The following POFUT3 variants were observed in gnomAD, a reference collection of about 807,000 sequenced individuals.
POFUT3 encodes the protein protein O-fucosyltransferase 3.
the POFUT3 span, among the ~76,000 whole-genome samples, chr8:33,364,594 G>A: frequency 2.6e-5 from 4 of 152,106 alleles, no homozygotes; most frequent in Non-Finnish European, 4.4e-5. Context: ...CAAAATCAAT[G>A]TGCAAAAATC....
chr8:33,380,955 G>A, the POFUT3 span, among the ~76,000 whole-genome samples: 1 of 152,050 alleles, frequency 6.6e-6, no homozygotes, highest in South Asian at 2.1e-4. Context: ...ACAACATAGT[G>A]AGACTCCAAC....
chr8:33,375,811 G>T, the POFUT3 span, among the ~76,000 whole-genome samples: 1 of 152,122 alleles, frequency 6.6e-6, no homozygotes, highest in Non-Finnish European at 1.5e-5. Flanking sequence ...GAGGTCAGGA[G>T]TTAGAGACCA....
the POFUT3 span, among the ~76,000 whole-genome samples, chr8:33,429,496 AG>A: frequency 2.0e-5 from 3 of 152,218 alleles, no homozygotes; most frequent in Admixed American, 2.0e-4. Context: ...GGAATAATAC[AG>A]TATAAAATAG....
chr8:33,444,327 G>A, the POFUT3 span, among the ~76,000 whole-genome samples: 48 of 152,136 alleles, frequency 3.2e-4, no homozygotes, highest in Middle Eastern at 0.01. Flanking sequence ...TCTGGGGCTG[G>A]AAAATGCTTC....
the POFUT3 span, among the ~76,000 whole-genome samples, chr8:33,334,854 A>G: frequency 1.3e-5 from 2 of 152,204 alleles, no homozygotes; most frequent in African/African-American, 4.8e-5. Flanking sequence ...TTCAACTCCA[A>G]CAATACTCCT....
the POFUT3 span, among the ~76,000 whole-genome samples, chr8:33,377,834 A>G: frequency 6.6e-6 from 1 of 152,218 alleles, no homozygotes; most frequent in Non-Finnish European, 1.5e-5. Context: ...AGAAAAATAC[A>G]GATAATCCTT....
chr8:33,322,989 T>G, the POFUT3 span, among the ~76,000 whole-genome samples: 1 of 152,182 alleles, frequency 6.6e-6, no homozygotes, highest in African/African-American at 2.4e-5. Flanking sequence ...CCCAAGCTTA[T>G]CTTAGTCGTG....
the POFUT3 span, among the ~76,000 whole-genome samples, chr8:33,458,738 A>C: frequency 2.5e-4 from 38 of 151,876 alleles, no homozygotes; most frequent in Non-Finnish European, 8.8e-5. Flanking sequence ...AAAAACAAAA[A>C]CAAAAAAAAA....
At chr8:33,427,224 C>CAGAG in the POFUT3 span, among the ~76,000 whole-genome samples, 2 of 152,110 alleles carry the variant, frequency 1.3e-5, no homozygotes, top group African/African-American at 4.8e-5. Context: ...ACTTGAAAGG[C>CAGAG]AGAGATGGGA....
chr8:33,318,032 T>G, the POFUT3 span, among the ~76,000 whole-genome samples: 1 of 152,132 alleles, frequency 6.6e-6, no homozygotes, highest in South Asian at 2.1e-4. Context: ...AAGAAATGCC[T>G]TTCATGGTAG....
the POFUT3 span, among the ~76,000 whole-genome samples, chr8:33,384,469 T>C: frequency 5.3e-5 from 8 of 152,190 alleles, no homozygotes; most frequent in Non-Finnish European, 8.8e-5. Context: ...GATATACTCA[T>C]GGGGAACTTC....
At chr8:33,358,739 C>T in the POFUT3 span, among the ~76,000 whole-genome samples, 3 of 151,840 alleles carry the variant, frequency 2.0e-5, no homozygotes, top group Non-Finnish European at 2.9e-5. Flanking sequence ...GTGCTGGGCT[C>T]GGTCTGTAAT....
chr8:33,411,271 G>A, the POFUT3 span, among the ~76,000 whole-genome samples: 2 of 152,180 alleles, frequency 1.3e-5, no homozygotes, highest in African/African-American at 2.4e-5. Flanking sequence ...ACAGGGCAAC[G>A]CTGAAGTCGT....
the POFUT3 span, among the ~76,000 whole-genome samples, chr8:33,341,883 A>G: frequency 2.0e-5 from 3 of 151,920 alleles, no homozygotes; most frequent in African/African-American, 4.8e-5. Context: ...ACATAGCAAG[A>G]CTCCATCTCT....
chr8:33,402,037 G>C, the POFUT3 span, among the ~76,000 whole-genome samples: 4 of 151,592 alleles, frequency 2.6e-5, no homozygotes, highest in South Asian at 4.2e-4. Context: ...AAAAAAAAAA[G>C]AAAAAGAAAA....
the POFUT3 span, among the ~76,000 whole-genome samples, chr8:33,429,306 A>C: frequency 6.6e-6 from 1 of 152,170 alleles, no homozygotes; most frequent in African/African-American, 2.4e-5. Context: ...GAGTTTAGTT[A>C]TGACATGCCT....
chr8:33,339,098 T>C, the POFUT3 span: 6 of 151,778 alleles, frequency 4.0e-5, no homozygotes, highest in Non-Finnish European at 8.8e-5. Context: ...GAGAGAGATG[T>C]TGAAATTTAC....
the POFUT3 span, among the ~76,000 whole-genome samples, chr8:33,471,769 C>T: frequency 6.6e-6 from 1 of 152,008 alleles, no homozygotes; most frequent in African/African-American, 2.4e-5. Flanking sequence ...AATAACAACA[C>T]AGTAAAAGTT....
chr8:33,463,512 A>T, the POFUT3 span, among the ~76,000 whole-genome samples: 1 of 152,232 alleles, frequency 6.6e-6, no homozygotes, highest in East Asian at 1.9e-4. Context: ...CTCAAAAAAA[A>T]AAAAAGGTGG....
Sources: gnomAD v4.1 joint callset for allele counts (sites outside exome capture counted in the v4.1 genomes callset) on GRCh38, gnomAD v4.1.1 for gene constraint, MANE v1.5 for transcripts, NCBI Gene and HGNC (gene_info 2026-07-23, HGNC 2026-07-21) for gene names.